Variants in RANGAP1 observed in about 807,000 individuals in gnomAD.
The protein encoded by RANGAP1 is ran GTPase-activating protein 1.
Under a neutral mutation model 63.5 loss-of-function variants are expected in RANGAP1, and 38 were observed. That is an observed-to-expected ratio of 0.60 (90% confidence interval 0.46 to 0.78). RANGAP1 has a LOEUF of 0.78. Ranked by LOEUF, RANGAP1 falls within the 30% of genes least tolerant of loss-of-function variation. The pLI is 0.00. For missense variants in RANGAP1, 630 were observed against 740.3 expected (o/e 0.85, Z 1.73); for synonymous variants, 329 against 310.5 (o/e 1.06, Z -0.63).
chr22:41,252,831 C>T (rs200234961), intron 12 of RANGAP1, 41 bp downstream of exon 12: 112 of 1,506,306 alleles, frequency 7.4e-5, no homozygotes, highest in Non-Finnish European at 9.4e-5. Flanking sequence ...GCTCCAGAAG[C>T]CACAGCACGT....
At position 41,274,620 on chromosome 22, in the gene RANGAP1, C is replaced by CT; in HGVS notation, c.219dup (p.Glu74ArgfsTer13). ...CTCACCTTCAACTCCGACTTCTTCT[C>CT]TAAGGCCTTGGCGATGACCCTGGCT... On this transcript the variant is annotated frameshift_variant, in exon 3 of 16. Transcript: ENST00000356244. LOFTEE classifies it high-confidence loss of function. 6.2e-7 allele frequency: 1 copy of CT among 1,614,156 alleles called. No individual in the cohort carries two copies. Among genetic ancestry groups the CT allele is most frequent in the Non-Finnish European group, 8.5e-7 (1 of 1,180,008 alleles).
At chr22:41,255,658 T>C (rs2033783744) in intron 10 of RANGAP1, among the ~76,000 whole-genome samples, 1 of 151,790 alleles carries the variant, frequency 6.6e-6, no homozygotes, top group Non-Finnish European at 1.5e-5. Context: ...AGCTCCTCTG[T>C]TGAACGGACA....
chr22:41,271,224 T>TAAA (rs746864052), intron 3 of RANGAP1, among the ~76,000 whole-genome samples: 2 of 133,570 alleles, frequency 1.5e-5, no homozygotes, highest in Non-Finnish European at 3.2e-5. Flanking sequence ...ACCCCATCAT[T>TAAA]AAAAAAAAAA....
At chr22:41,254,752 C>T (rs982956833) in intron 10 of RANGAP1, 5 of 570,512 alleles carry the variant, frequency 8.8e-6, no homozygotes, top group Non-Finnish European at 1.1e-5. Context: ...GTGGGTGGAT[C>T]ATGAGGTCAG....
At chr22:41,280,665 G>A (rs1168559827) in intron 2 of RANGAP1, 3 of 1,391,342 alleles carry the variant, frequency 2.2e-6, no homozygotes, top group Non-Finnish European at 2.9e-6. Flanking sequence ...CACTAACTGT[G>A]GCCCCTCATT....
At chr22:41,275,646 G>C (rs2035091626) in intron 2 of RANGAP1, among the ~76,000 whole-genome samples, 1 of 152,114 alleles carries the variant, frequency 6.6e-6, no homozygotes, top group Admixed American at 6.6e-5. Flanking sequence ...GGGCGTGATG[G>C]CACATGCCTG....
At chr22:41,294,814 A>G in the RANGAP1 span, among the ~76,000 whole-genome samples, 52 of 86,738 alleles carry the variant, frequency 6.0e-4, no homozygotes, top group African/African-American at 2.2e-3. Context: ...CCCTCCGCCC[A>G]GCAGCCACCC....
At chr22:41,270,544 C>A (rs1174220602) in intron 3 of RANGAP1, among the ~76,000 whole-genome samples, 2 of 152,164 alleles carry the variant, frequency 1.3e-5, no homozygotes, top group Non-Finnish European at 2.9e-5. Flanking sequence ...ACCTCCCAGG[C>A]TCAAGCCATC....
intron 10 of RANGAP1, chr22:41,254,757 G>A (rs1178439628): frequency 1.4e-5 from 7 of 515,454 alleles, no homozygotes; most frequent in Non-Finnish European, 1.7e-5. Context: ...TGGATCATGA[G>A]GTCAGGAGAT....
rs1343887299 is a variant in RANGAP1 at position 41,245,435 on chromosome 22, T to C, written c.*1168A>G. 1.3e-5 allele frequency among the ~76,000 whole-genome samples: 2 copies of C among 151,780 alleles called. No individual in the cohort carries two copies. Among genetic ancestry groups the C allele is most frequent in the African/African-American group, 2.4e-5 (1 of 41,298 alleles). On this transcript the variant is annotated 3_prime_UTR_variant, in exon 16 of 16. Coordinates refer to ENST00000356244, the MANE Select transcript of RANGAP1 (RefSeq NM_002883.4). ...GGTGAGGTGTGGCCAGGCAGGAAAA[T>C]GGGCCCCCACTCAGGACTGCCACTT...
In RANGAP1 at chr22:41,251,684, C is replaced by A. The variant is rs546687806; in HGVS notation, c.1381-575G>T. ...CAGTGGTCCCCATCTTGTAATTGAACTTGAAGAAATAATCTAGCATGTAGA... is the reference window on the plus strand; with the variant it reads ...CAGTGGTCCCCATCTTGTAATTGAAATTGAAGAAATAATCTAGCATGTAGA... On this transcript the variant is annotated intron_variant, in intron 12 of 15. Coordinates refer to ENST00000356244, the MANE Select transcript of RANGAP1 (RefSeq NM_002883.4). 2.0e-5 allele frequency among the ~76,000 whole-genome samples: 3 copies of A among 150,830 alleles called. No homozygotes were observed. The South Asian group carries it at 6.3e-4, about 32-fold the overall frequency.
rs200464078 is a variant in RANGAP1, at chr22:41,249,337, C to G, written c.1687G>C (p.Val563Leu). The part of the protein sequence containing the change: ...KALAPLLLAF[V>L]TKPNSALESC... ...GGACAAGGCCACACTCACTTGGTCA[C>G]GAACGCCAGCAGCAGGGGTGCAAGG... is the stretch of plus-strand genomic sequence containing the variant. The change falls in exon 15 of 16, where the codon GTG (valine) becomes CTG (leucine). Residue 563 changes from valine to leucine, a missense_variant. Val to Leu is a conservative substitution (Grantham distance 32). Transcript: ENST00000356244. The G allele has an allele frequency of 1.9e-6, 3 of 1,602,008 alleles. No homozygotes were observed. Among genetic ancestry groups the G allele is most frequent in the African/African-American group, 1.3e-5 (1 of 74,924 alleles).
intron 2 of RANGAP1, among the ~76,000 whole-genome samples, chr22:41,275,755 G>C (rs1348188822): frequency 6.6e-6 from 1 of 151,764 alleles, no homozygotes; most frequent in Non-Finnish European, 1.5e-5. Context: ...CTCTAGCCTG[G>C]GCGACACAGT....
chr22:41,257,940 C>G lies in RANGAP1; in HGVS notation c.774+8G>C. ...GGGGCCCAACTGGCTCTGCCACACT[C>G]GCCTCACCTCGGCCATGGCCACGGC... is the stretch of plus-strand genomic sequence containing the variant. On this transcript the variant is annotated splice_region_variant and intron_variant, in intron 7 of 15. Coordinates refer to ENST00000356244, the MANE Select transcript of RANGAP1 (RefSeq NM_002883.4). The surrounding 1 kb of genome is among the most constrained non-coding windows in gnomAD (Gnocchi z 4.0). The G allele has an allele frequency of 6.3e-7, 1 of 1,593,610 alleles. No homozygotes were observed. The highest frequency in any genetic ancestry group is 8.6e-7 in the Non-Finnish European group (1 of 1,167,462).
intron 15 of RANGAP1, among the ~76,000 whole-genome samples, chr22:41,248,115 A>G (rs557668116): frequency 7.5e-6 from 1 of 134,086 alleles, no homozygotes; most frequent in African/African-American, 2.8e-5. Context: ...TCTGGACAGC[A>G]TGGGCAAAGC....
the RANGAP1 span, chr22:41,301,694 T>C: frequency 6.6e-6 from 1 of 152,116 alleles, no homozygotes; most frequent in East Asian, 1.9e-4. Context: ...CTAATAATAA[T>C]AACGTAATCA....
At position 41,284,331 on chromosome 22, in the gene RANGAP1, G is replaced by A. The variant is rs1383736511; in HGVS notation, c.-39+1655C>T. Among the ~76,000 whole-genome samples, 4 of 152,178 alleles carry A rather than the reference G, an allele frequency of 2.6e-5. No homozygotes were observed. In the East Asian group the frequency reaches 7.7e-4, roughly 29 times the overall value. Reference sequence around the variant, plus strand: ...GCCTATAATCTCAGCACTTTGGGAGGCTGAGGTGGGTGGATTACCTGAGGT... The same window carrying A: ...GCCTATAATCTCAGCACTTTGGGAGACTGAGGTGGGTGGATTACCTGAGGT... On this transcript the variant is annotated intron_variant, in intron 1 of 15. Transcript: ENST00000356244.
At chr22:41,285,372 C>A in intron 1 of RANGAP1, 1 of 512,562 alleles carries the variant, frequency 2.0e-6, no homozygotes, top group Non-Finnish European at 2.5e-6. Flanking sequence ...CTTTATAAAC[C>A]AAGAAACTGG....
rs1450326378 is a variant in RANGAP1, at chr22:41,245,382, C to T, written c.*1221G>A. Reference sequence around the variant, plus strand: ...GTGAAGGAGCAACGCAGAAGCCAAGCGAGCTGCAGCCCAAAGGCAGGGTGC... The same window carrying T: ...GTGAAGGAGCAACGCAGAAGCCAAGTGAGCTGCAGCCCAAAGGCAGGGTGC... On this transcript the variant is annotated 3_prime_UTR_variant, in exon 16 of 16. Coordinates refer to ENST00000356244, the MANE Select transcript of RANGAP1 (RefSeq NM_002883.4). Among the ~76,000 whole-genome samples the T allele has an allele frequency of 6.6e-6, 1 of 152,190 alleles. No homozygotes were observed. The highest frequency in any genetic ancestry group is 2.4e-5 in the African/African-American group (1 of 41,454).
Sources: allele counts gnomAD v4.1 joint callset (sites outside exome capture counted in the v4.1 genomes callset), GRCh38; gene constraint gnomAD v4.1.1; non-coding constraint Gnocchi (gnomAD v3.1); transcripts MANE v1.5; gene names NCBI Gene and HGNC (gene_info 2026-07-23, HGNC 2026-07-21).